BEND7: variants seen among roughly 807,000 people sequenced by gnomAD.
BEND7 encodes the protein BEN domain-containing protein 7.
In BEND7, 28 loss-of-function variants were observed where a neutral mutation model predicts 50.9. The ratio of observed to expected loss-of-function variants is 0.55; its 90% CI spans 0.41 to 0.75. BEND7 has a LOEUF of 0.75. Ranked by LOEUF, BEND7 falls within the 30% of genes least tolerant of loss-of-function variation. The pLI, the probability that BEND7 is intolerant of heterozygous loss-of-function variation, is 0.00. For missense variants in BEND7, 477 were observed against 491.3 expected (o/e 0.97, Z 0.28); for synonymous variants, 170 against 183.9 (o/e 0.92, Z 0.61).
At chr10:13,488,594 T>C (rs1230947825) in intron 5 of BEND7, among the ~76,000 whole-genome samples, 2 of 152,200 alleles carry the variant, frequency 1.3e-5, no homozygotes, top group African/African-American at 4.8e-5. Context: ...TTCAAGCGAT[T>C]CTCCTGCCTC....
At chr10:13,480,348 C>T (rs1165106490) in intron 6 of BEND7, among the ~76,000 whole-genome samples, 1 of 152,110 alleles carries the variant, frequency 6.6e-6, no homozygotes, top group Admixed American at 6.5e-5. Flanking sequence ...CTGCATGGAG[C>T]TGGCATGACT....
chr10:13,528,405 TGGACCCCCGC>T, intron 1 of BEND7, 58 bp downstream of exon 1: 7 of 779,168 alleles, frequency 9.0e-6, no homozygotes, highest in Non-Finnish European at 1.1e-5. Context: ...CCCCCCAGCG[TGGACCCCCGC>T]GGGCGGCCGA....
intron 5 of BEND7, among the ~76,000 whole-genome samples, chr10:13,484,203 C>T (rs929830283): frequency 6.6e-6 from 1 of 152,150 alleles, no homozygotes; most frequent in Non-Finnish European, 1.5e-5. Context: ...CGGCCTGTCT[C>T]CTATTCAGAT....
intron 2 of BEND7, among the ~76,000 whole-genome samples, chr10:13,513,890 T>C (rs2078460954): frequency 6.6e-6 from 1 of 152,186 alleles, no homozygotes; most frequent in East Asian, 1.9e-4. Context: ...TGGCTGCACA[T>C]GAGAACCACT....
At chr10:13,466,558 C>CA (rs143207918) in intron 6 of BEND7, among the ~76,000 whole-genome samples, 107 of 144,314 alleles carry the variant, frequency 7.4e-4, no homozygotes, top group Non-Finnish European at 8.9e-4. Flanking sequence ...GAAACTGTCT[C>CA]AAAAAAAAAA....
chr10:13,441,671 T>C lies in BEND7; in HGVS notation c.*72A>G. ...TCCCTTCCCTTGGGTAGTAGCTCCT[T>C]GTGGGAGGCAGAGGACGGATTTTAA... On this transcript the variant is annotated 3_prime_UTR_variant, in exon 9 of 9. Coordinates refer to ENST00000466271, the MANE Select transcript of BEND7 (RefSeq NM_001369863.1). 2 of 1,609,348 alleles carry C rather than the reference T, an allele frequency of 1.2e-6. No individual in the cohort carries two copies. Among genetic ancestry groups the C allele is most frequent in the South Asian group, 2.2e-5 (2 of 89,710 alleles).
At chr10:13,448,914 G>GTA (rs941670314) in intron 7 of BEND7, among the ~76,000 whole-genome samples, 1 of 151,084 alleles carries the variant, frequency 6.6e-6, no homozygotes, top group Non-Finnish European at 1.5e-5. Flanking sequence ...GGCGGAGCTT[G>GTA]GTGAGCCGAG....
At chr10:13,482,213 T>C (rs146294431) in intron 5 of BEND7, among the ~76,000 whole-genome samples, 10 of 152,382 alleles carry the variant, frequency 6.6e-5, no homozygotes, top group South Asian at 2.1e-4. Flanking sequence ...TCTTGTGGAA[T>C]AGACGAAAGT....
chr10:13,445,144 C>T (rs571575243), intron 8 of BEND7: 4 of 152,184 alleles, frequency 2.6e-5, no homozygotes, highest in African/African-American at 9.6e-5. Context: ...AAATGATAAA[C>T]GTTTTTATTT....
intron 6 of BEND7, among the ~76,000 whole-genome samples, chr10:13,455,044 C>T (rs566813826): frequency 2.5e-4 from 38 of 152,104 alleles, no homozygotes; most frequent in African/African-American, 7.0e-4. Context: ...TGGTGGCACG[C>T]GCCTGCAGTC....
chr10:13,523,722 AAACTAT>A (rs2079237960), intron 2 of BEND7, among the ~76,000 whole-genome samples: 1 of 152,246 alleles, frequency 6.6e-6, no homozygotes, highest in African/African-American at 2.4e-5. Flanking sequence ...ATAAAACTAT[AAACTAT>A]AACACTGTCA....
chr10:13,507,432 C>G (rs1189705378), intron 2 of BEND7, among the ~76,000 whole-genome samples: 2 of 152,186 alleles, frequency 1.3e-5, no homozygotes, highest in African/African-American at 4.8e-5. Flanking sequence ...CACTATTACA[C>G]TATCATGTCC....
intron 2 of BEND7, among the ~76,000 whole-genome samples, chr10:13,524,767 C>A (rs2079333728): frequency 6.6e-6 from 1 of 152,050 alleles, no homozygotes; most frequent in African/African-American, 2.4e-5. Context: ...CCTTTTGGCT[C>A]CTAGCTCTCT....
At chr10:13,474,269 C>T (rs1308559875) in intron 6 of BEND7, among the ~76,000 whole-genome samples, 1 of 152,022 alleles carries the variant, frequency 6.6e-6, no homozygotes, top group Non-Finnish European at 1.5e-5. Flanking sequence ...CGCCGTTGGA[C>T]TCGGGGCTGA....
At chr10:13,447,883 T>C (rs1253576947) in intron 7 of BEND7, among the ~76,000 whole-genome samples, 1 of 152,170 alleles carries the variant, frequency 6.6e-6, no homozygotes, top group Non-Finnish European at 1.5e-5. Flanking sequence ...CGAACCAGCA[T>C]GTGGGGTGAA....
chr10:13,526,305 T>A (rs2079458695), intron 1 of BEND7, 84 bp from the exon 2 acceptor site: 1 of 496,848 alleles, frequency 2.0e-6, no homozygotes, highest in African/African-American at 2.0e-5. Context: ...CTCATTCTAT[T>A]TAGTTTGTAT....
intron 4 of BEND7, among the ~76,000 whole-genome samples, chr10:13,494,143 G>C (rs1010501336): frequency 1.3e-5 from 2 of 152,218 alleles, no homozygotes; most frequent in African/African-American, 4.8e-5. Context: ...GCCGGGCCAG[G>C]CATGGTGGCT....
chr10:13,515,178 A>C (rs915057197), intron 2 of BEND7, among the ~76,000 whole-genome samples: 1 of 152,234 alleles, frequency 6.6e-6, no homozygotes, highest in African/African-American at 2.4e-5. Context: ...CACCTGCATT[A>C]CATTTCAGCT....
chr10:13,504,213 T>G (rs1469924393), intron 2 of BEND7, among the ~76,000 whole-genome samples: 1 of 152,134 alleles, frequency 6.6e-6, no homozygotes, highest in Non-Finnish European at 1.5e-5. Context: ...TTGAGTGTGG[T>G]GCAGTGTTAG....
Sources: gnomAD v4.1 joint callset for allele counts (sites outside exome capture counted in the v4.1 genomes callset) on GRCh38, gnomAD v4.1.1 for gene constraint, MANE v1.5 for transcripts, NCBI Gene and HGNC (gene_info 2026-07-23, HGNC 2026-07-21) for gene names.